Variants in OR5AS1 observed in about 807,000 individuals in gnomAD.
OR5AS1 encodes the protein olfactory receptor family 5 subfamily AS member 1, also known as olfactory receptor 5AS1.
For missense variants in OR5AS1, 492 were observed against 378.2 expected (o/e 1.30, Z -2.50); for synonymous variants, 196 against 141.7 (o/e 1.38, Z -2.72).
In OR5AS1 at chr11:56,034,449, G is replaced by T. The variant is rs1380704694; in HGVS notation, c.*3056G>T. 1 of 151,938 alleles carries T rather than the reference G, an allele frequency of 6.6e-6. No individual in the cohort carries two copies. Among genetic ancestry groups the T allele is most frequent in the African/African-American group, 2.4e-5 (1 of 41,298 alleles). The allele number at this position is 151,938 out of a possible 1,614,324, so 9.4% of individuals were successfully genotyped here. ...GATGGAGCTGAAAAACACAGCACGA[G>T]AACTTCATGAAGCATACACAAGCAT... On this transcript the variant is annotated 3_prime_UTR_variant, in exon 2 of 2. Transcript: ENST00000641320.
At position 56,030,815 on chromosome 11, in the gene OR5AS1, A is replaced by T; in HGVS notation, c.397A>T (p.Thr133Ser). Residue 133 changes from threonine (T) to serine (S), a missense_variant, in exon 2 of 2, where the codon ACT becomes TCT. By Grantham distance (58) the Thr-to-Ser change is moderately conservative (BLOSUM62 1). Coordinates refer to ENST00000641320, the MANE Select transcript of OR5AS1 (RefSeq NM_001001921.2). ...AGCCATCTGCAACCCACTGCTCTAT[A>T]CTACACTGATGTCTAGGAGAGTCTG... ...YAAICNPLLY[T>S]TLMSRRVCVC... 1 of 1,613,864 alleles carries T rather than the reference A, an allele frequency of 6.2e-7. No individual in the cohort carries two copies. Among genetic ancestry groups the T allele is most frequent in the Non-Finnish European group, 8.5e-7 (1 of 1,179,874 alleles).
In OR5AS1 at chr11:56,031,179, C is replaced by A. The variant is rs530637473; in HGVS notation, c.761C>A (p.Ala254Glu). ...HLIAVTLFYG[A>E]LLFMYLQPTT... ...ATAGCAGTCACCTTATTCTATGGAG[C>A]GCTCCTGTTTATGTACTTACAGCCC... Residue 254 changes from alanine to glutamate, a missense_variant, in exon 2 of 2, where the codon GCG (alanine) becomes GAG (glutamate). Transcript: ENST00000641320. 6 of 1,613,808 alleles carry A rather than the reference C, an allele frequency of 3.7e-6. No homozygotes were observed. Among genetic ancestry groups the A allele is most frequent in the South Asian group, 1.1e-5 (1 of 91,088 alleles).
chr11:56,029,061 A>C (rs532583782), intron 1 of OR5AS1, among the ~76,000 whole-genome samples: 1 of 152,186 alleles, frequency 6.6e-6, no homozygotes, highest in African/African-American at 2.4e-5. Flanking sequence ...TCTTCTAAAA[A>C]ATCTGAGTTC....
At position 56,032,605 on chromosome 11, in the gene OR5AS1, A is replaced by T. The variant is rs1853362257; in HGVS notation, c.*1212A>T. On this transcript the variant is annotated 3_prime_UTR_variant, in exon 2 of 2. Transcript: ENST00000641320. ...TAACCTTGGACATGGAGACAATAAG[A>T]TAGCACCTAATGAAATGGATTGTTT... is the stretch of plus-strand genomic sequence containing the variant. 1 of 152,162 alleles carries T rather than the reference A, an allele frequency of 6.6e-6. No homozygotes were observed. Among genetic ancestry groups the T allele is most frequent in the Admixed American group, 6.5e-5 (1 of 15,292 alleles). The allele number at this position is 152,162 out of a possible 1,614,324, so 9.4% of individuals were successfully genotyped here.
chr11:56,029,069 T>C (rs753817398), intron 1 of OR5AS1, among the ~76,000 whole-genome samples: 4 of 152,048 alleles, frequency 2.6e-5, no homozygotes, highest in Admixed American at 6.6e-5. Flanking sequence ...AAAATCTGAG[T>C]TCACAAAGAA....
In OR5AS1 at chr11:56,033,473, G is replaced by C. The variant is rs1379037458; in HGVS notation, c.*2080G>C. 6.6e-6 allele frequency: 1 copy of C among 152,280 alleles called. No homozygotes were observed. Among genetic ancestry groups the C allele is most frequent in the Non-Finnish European group, 1.5e-5 (1 of 68,192 alleles). The allele number at this position is 152,280 out of a possible 1,614,324, so 9.4% of individuals were successfully genotyped here. A position where few individuals can be genotyped will look rare whatever the true frequency, so the allele number is the denominator to read the frequency against. Reference sequence around the variant, plus strand: ...GTCCGCCATTGCTGAGGCTTCAGTAGGCAGTTTTCCCCTCATAGTGTAAAC... The same window carrying C: ...GTCCGCCATTGCTGAGGCTTCAGTACGCAGTTTTCCCCTCATAGTGTAAAC... On this transcript the variant is annotated 3_prime_UTR_variant, in exon 2 of 2. Transcript: ENST00000641320.
Position 56,030,391 on chromosome 11 carries a change from G to T in OR5AS1, c.-28G>T, listed in dbSNP as rs1853334381. The T allele has an allele frequency of 7.1e-7, 1 of 1,417,942 alleles. No individual in the cohort carries two copies. Among genetic ancestry groups the T allele is most frequent in the Non-Finnish European group, 9.3e-7 (1 of 1,077,054 alleles). 87.8% of individuals were successfully genotyped at this position (1,417,942 alleles called of 1,614,324 possible). A position where few individuals can be genotyped will look rare whatever the true frequency, so the allele number is the denominator to read the frequency against. On this transcript the variant is annotated splice_region_variant and 5_prime_UTR_variant, in exon 2 of 2. Transcript: ENST00000641320. ...ACTCACATCTGCTGATACTACCTAGGTCCAGTGGGAAAAACAAGAAAACTA... is the reference window on the plus strand; with the variant it reads ...ACTCACATCTGCTGATACTACCTAGTTCCAGTGGGAAAAACAAGAAAACTA...
chr11:56,027,973 G>A (rs1460978243), intron 1 of OR5AS1, among the ~76,000 whole-genome samples: 1 of 152,000 alleles, frequency 6.6e-6, no homozygotes, highest in Non-Finnish European at 1.5e-5. Flanking sequence ...CCATGAGAAG[G>A]AAGCTGACTA....
Position 56,037,388 on chromosome 11 carries a change from T to G in OR5AS1, c.*5995T>G, listed in dbSNP as rs1853417863. ...CCCATCGTCTCAGGCCAAAATCTCC[T>G]TAAGCTGATAAGCAACTTCAGCAAA... is the stretch of plus-strand genomic sequence containing the variant. On this transcript the variant is annotated 3_prime_UTR_variant, in exon 2 of 2. Coordinates refer to ENST00000641320, the MANE Select transcript of OR5AS1 (RefSeq NM_001001921.2). The G allele has an allele frequency of 6.6e-6, 1 of 152,114 alleles. No homozygotes were observed. The highest frequency in any genetic ancestry group is 1.5e-5 in the Non-Finnish European group (1 of 68,040). 9.4% of individuals were successfully genotyped at this position (152,114 alleles called of 1,614,324 possible). A position where few individuals can be genotyped will look rare whatever the true frequency, so the allele number is the denominator to read the frequency against.
At chr11:56,028,779 A>T (rs1470482826) in intron 1 of OR5AS1, among the ~76,000 whole-genome samples, 1 of 152,080 alleles carries the variant, frequency 6.6e-6, no homozygotes, top group East Asian at 1.9e-4. Context: ...TTTTGGATAT[A>T]ATATATAAAC....
rs138919605 is a variant in OR5AS1, at chr11:56,030,854, G to C, written c.436G>C (p.Val146Leu). ...MSRRVCVCFIVLAYFSGSTTS... is the reference protein window; with the variant it reads ...MSRRVCVCFILLAYFSGSTTS... ...TAGGAGAGTCTGTGTCTGCTTCATT[G>C]TGTTGGCATATTTCAGTGGAAGTAC... is the stretch of plus-strand genomic sequence containing the variant. Residue 146 changes from valine (V) to leucine (L), a missense_variant, in exon 2 of 2, where the codon GTG becomes CTG. By Grantham distance (32) the Val-to-Leu change is conservative. Coordinates refer to ENST00000641320, the MANE Select transcript of OR5AS1 (RefSeq NM_001001921.2). 1 of 1,614,018 alleles carries C rather than the reference G, an allele frequency of 6.2e-7. No individual in the cohort carries two copies. The highest frequency in any genetic ancestry group is 1.7e-5 in the Admixed American group (1 of 60,022).
rs768016124 is a variant in OR5AS1 at position 56,031,111 on chromosome 11, A to T, written c.693A>T (p.Ser231=). The T allele has an allele frequency of 3.1e-6, 5 of 1,613,948 alleles. No homozygotes were observed. Among genetic ancestry groups the T allele is most frequent in the Admixed American group, 1.7e-5 (1 of 60,006 alleles). ...ILITVLSIKS[S]GGRSKTFSTC... ...TCACTGTGTTGAGCATCAAGTCCTC[A>T]GGTGGCAGAAGCAAAACATTCTCCA... Residue 231 remains serine, a synonymous_variant, in exon 2 of 2, where the codon TCA becomes TCT. Coordinates refer to ENST00000641320, the MANE Select transcript of OR5AS1 (RefSeq NM_001001921.2).
intron 1 of OR5AS1, among the ~76,000 whole-genome samples, chr11:56,030,114 A>C (rs1173903574): frequency 6.6e-6 from 1 of 152,098 alleles, no homozygotes. Context: ...TATCCCTTTC[A>C]GCTTGTAAAA....
rs545555786 is a variant in OR5AS1, at chr11:56,035,811, A to T, written c.*4418A>T. ...CTAATAGACCTCTACAGAACTCTAC[A>T]CCCCAAATCAATAGAATATACATTA... On this transcript the variant is annotated 3_prime_UTR_variant, in exon 2 of 2. Coordinates refer to ENST00000641320, the MANE Select transcript of OR5AS1 (RefSeq NM_001001921.2). 3.9e-5 allele frequency: 6 copies of T among 152,190 alleles called. No homozygotes were observed. The highest frequency in any genetic ancestry group is 2.1e-4 in the South Asian group (1 of 4,820). The allele number at this position is 152,190 out of a possible 1,614,324, so 9.4% of individuals were successfully genotyped here.
rs929453254 is a variant in OR5AS1 at position 56,031,538 on chromosome 11, C to A, written c.*145C>A. Reference sequence around the variant, plus strand: ...CTTCATCCTCTCTTCCAAAAATGTTCTCTCCACAATTCTACTCTATAAAAC... The same window carrying A: ...CTTCATCCTCTCTTCCAAAAATGTTATCTCCACAATTCTACTCTATAAAAC... On this transcript the variant is annotated 3_prime_UTR_variant, in exon 2 of 2. Transcript: ENST00000641320. 1.7e-6 allele frequency: 1 copy of A among 599,234 alleles called. No individual in the cohort carries two copies. The highest frequency in any genetic ancestry group is 3.0e-5 in the Admixed American group (1 of 33,528). The allele number at this position is 599,234 out of a possible 1,614,324, so 37.1% of individuals were successfully genotyped here. A position where few individuals can be genotyped will look rare whatever the true frequency, so the allele number is the denominator to read the frequency against.
chr11:56,030,094 G>T (rs1202260362), intron 1 of OR5AS1, among the ~76,000 whole-genome samples: 1 of 151,990 alleles, frequency 6.6e-6, no homozygotes, highest in Non-Finnish European at 1.5e-5. Context: ...CTCATTACAT[G>T]AGCTACATTT....
rs920217720 is a variant in OR5AS1, at chr11:56,033,784, T to A, written c.*2391T>A. ...ACATCGTTCAAGCTCTCCTAAGAGA[T>A]AGACTCCTGCATCAAGTGGGTCCTT... On this transcript the variant is annotated 3_prime_UTR_variant, in exon 2 of 2. Coordinates refer to ENST00000641320, the MANE Select transcript of OR5AS1 (RefSeq NM_001001921.2). The A allele has an allele frequency of 6.6e-6, 1 of 152,086 alleles. No homozygotes were observed. Among genetic ancestry groups the A allele is most frequent in the Non-Finnish European group, 1.5e-5 (1 of 68,072 alleles). The allele number at this position is 152,086 out of a possible 1,614,324, so 9.4% of individuals were successfully genotyped here.
chr11:56,037,366 A>G lies in OR5AS1; in HGVS notation c.*5973A>G, dbSNP rs1010797913. On this transcript the variant is annotated 3_prime_UTR_variant, in exon 2 of 2. Transcript: ENST00000641320. ...CATGATTGTATATTTAGAAAACCCC[A>G]TCGTCTCAGGCCAAAATCTCCTTAA... 6.6e-6 allele frequency: 1 copy of G among 152,122 alleles called. No homozygotes were observed. The highest frequency in any genetic ancestry group is 2.4e-5 in the African/African-American group (1 of 41,362). 9.4% of individuals were successfully genotyped at this position (152,122 alleles called of 1,614,324 possible). A position where few individuals can be genotyped will look rare whatever the true frequency, so the allele number is the denominator to read the frequency against.
In OR5AS1 at chr11:56,030,943, T is replaced by A. The variant is rs1266616902; in HGVS notation, c.525T>A (p.Asn175Lys). ...CATTTTGTGGCTCCAATATCGTCAA[T>A]CATTTTTTCTGTGATATCCCACCTC... ...RLSFCGSNIV[N>K]HFFCDIPPLL... The change falls in exon 2 of 2, where the codon AAT (asparagine) becomes AAA (lysine). Residue 175 changes from asparagine to lysine, a missense_variant. Physicochemically the swap from Asn to Lys is moderately conservative, Grantham distance 94 (BLOSUM62 0). Transcript: ENST00000641320. 3.1e-6 allele frequency: 5 copies of A among 1,614,048 alleles called. No individual in the cohort carries two copies. Among genetic ancestry groups the A allele is most frequent in the Non-Finnish European group, 4.2e-6 (5 of 1,180,026 alleles).
Sources: allele counts gnomAD v4.1 joint callset (sites outside exome capture counted in the v4.1 genomes callset), GRCh38; gene constraint gnomAD v4.1.1; transcripts MANE v1.5; gene names NCBI Gene and HGNC (gene_info 2026-07-23, HGNC 2026-07-21).